Variants in AKAP19 observed in about 807,000 individuals in gnomAD.
AKAP19 encodes small A-kinase anchoring protein.
At chr2:190,199,543 TATC>T in the AKAP19 span, among the ~76,000 whole-genome samples, 3 of 152,256 alleles carry the variant, frequency 2.0e-5, no homozygotes, top group African/African-American at 7.2e-5. Context: ...ATTGAGTGAT[TATC>T]TTTTTCTTCT....
the AKAP19 span, among the ~76,000 whole-genome samples, chr2:189,994,016 C>CTT: frequency 4.6e-3 from 649 of 141,884 alleles, 4 homozygotes; most frequent in Non-Finnish European, 7.8e-3. Context: ...CTGCTCTGAT[C>CTT]TTTTTTTTTT....
At chr2:189,891,478 C>T in the AKAP19 span, among the ~76,000 whole-genome samples, 1 of 151,982 alleles carries the variant, frequency 6.6e-6, no homozygotes. Flanking sequence ...CCACCTCGGC[C>T]TCCCAGAGTG....
chr2:189,945,951 A>G, the AKAP19 span, among the ~76,000 whole-genome samples: 5 of 152,200 alleles, frequency 3.3e-5, no homozygotes, highest in Non-Finnish European at 7.3e-5. Context: ...TAAACATACT[A>G]TAGTTGCTAC....
the AKAP19 span, among the ~76,000 whole-genome samples, chr2:190,073,263 GAAAGTGGAATACTCTGA>G: frequency 6.6e-6 from 1 of 152,114 alleles, no homozygotes; most frequent in South Asian, 2.1e-4. Flanking sequence ...CAACCAGGAA[GAAAGTGGAATACTCTGA>G]AAAGTGCCAG....
the AKAP19 span, among the ~76,000 whole-genome samples, chr2:189,933,845 A>G: frequency 1.4e-3 from 217 of 152,196 alleles, 11 homozygotes; most frequent in South Asian, 0.044. Context: ...CTTTTGGACT[A>G]CTTGATATGC....
the AKAP19 span, among the ~76,000 whole-genome samples, chr2:190,019,566 A>G: frequency 6.6e-6 from 1 of 151,630 alleles, no homozygotes; most frequent in Non-Finnish European, 1.5e-5. Flanking sequence ...TACAACCAAG[A>G]TTTCTGTGCT....
chr2:190,050,323 G>A, the AKAP19 span, among the ~76,000 whole-genome samples: 1 of 152,176 alleles, frequency 6.6e-6, no homozygotes, highest in Non-Finnish European at 1.5e-5. Context: ...CCCCAAGTCA[G>A]GCTTTCAGTT....
the AKAP19 span, among the ~76,000 whole-genome samples, chr2:190,165,235 G>T: frequency 3.9e-5 from 6 of 152,046 alleles, no homozygotes; most frequent in Non-Finnish European, 7.4e-5. Context: ...TCAGGAGTTC[G>T]AGACTAGCCT....
chr2:190,188,025 C>T, the AKAP19 span, among the ~76,000 whole-genome samples: 1 of 152,122 alleles, frequency 6.6e-6, no homozygotes, highest in Non-Finnish European at 1.5e-5. Context: ...GCTTTCTTTT[C>T]CTCATGTATG....
the AKAP19 span, among the ~76,000 whole-genome samples, chr2:190,013,722 G>A: frequency 1.2e-4 from 19 of 152,080 alleles, no homozygotes; most frequent in African/African-American, 4.6e-4. Context: ...GTTTCACTGT[G>A]TTAGCTAGGA....
chr2:190,101,064 T>G, the AKAP19 span, among the ~76,000 whole-genome samples: 1 of 152,206 alleles, frequency 6.6e-6, no homozygotes, highest in African/African-American at 2.4e-5. Context: ...TGCAGTCAAT[T>G]TCCCAGACCC....
chr2:189,972,498 GT>G, the AKAP19 span, among the ~76,000 whole-genome samples: 3 of 152,134 alleles, frequency 2.0e-5, no homozygotes. Context: ...CTTTGAAGTA[GT>G]TTTTTCCAAT....
the AKAP19 span, among the ~76,000 whole-genome samples, chr2:190,158,668 A>T: frequency 6.6e-6 from 1 of 152,172 alleles, no homozygotes; most frequent in African/African-American, 2.4e-5. Flanking sequence ...CCTGGCTATC[A>T]TCATCTTGGC....
At chr2:190,042,478 G>C in the AKAP19 span, among the ~76,000 whole-genome samples, 3 of 150,892 alleles carry the variant, frequency 2.0e-5, no homozygotes, top group Non-Finnish European at 3.0e-5. Context: ...TGGATTTGTT[G>C]ATCTTTTGAG....
the AKAP19 span, among the ~76,000 whole-genome samples, chr2:190,195,962 T>TTTTG: frequency 6.8e-6 from 1 of 147,210 alleles, no homozygotes; most frequent in Non-Finnish European, 1.5e-5. Flanking sequence ...TTTTTTTTTT[T>TTTTG]GGCATATGGA....
the AKAP19 span, among the ~76,000 whole-genome samples, chr2:189,980,191 A>T: frequency 2.6e-5 from 4 of 152,138 alleles, no homozygotes; most frequent in Non-Finnish European, 5.9e-5. Flanking sequence ...CTGGATTTTT[A>T]AAATGTGGTA....
At chr2:190,012,397 G>A in the AKAP19 span, among the ~76,000 whole-genome samples, 2 of 152,026 alleles carry the variant, frequency 1.3e-5, no homozygotes, top group African/African-American at 2.4e-5. Flanking sequence ...TAATGAAATT[G>A]TTTTCTTGAT....
chr2:190,161,602 T>G, the AKAP19 span, among the ~76,000 whole-genome samples: 1 of 152,178 alleles, frequency 6.6e-6, no homozygotes, highest in African/African-American at 2.4e-5. Flanking sequence ...AGCCTTTGAC[T>G]CCTGGCTTAG....
At chr2:190,137,666 G>T in the AKAP19 span, 3 of 152,280 alleles carry the variant, frequency 2.0e-5, no homozygotes, top group East Asian at 1.9e-4. Flanking sequence ...TGATCGGAGG[G>T]TGGCATGTGT....
Sources: allele counts gnomAD v4.1 joint callset (sites outside exome capture counted in the v4.1 genomes callset), GRCh38; gene constraint gnomAD v4.1.1; transcripts MANE v1.5; gene names NCBI Gene and HGNC (gene_info 2026-07-23, HGNC 2026-07-21).